The following CDH4 variants were observed in gnomAD, a reference collection of about 807,000 sequenced individuals.
CDH4 encodes the protein cadherin 4, also known as cadherin-4.
A neutral mutation model predicts 86.0 loss-of-function variants in CDH4; 33 were observed. The observed-to-expected ratio is 0.38, with a 90% CI of 0.29 to 0.51. The LOEUF (loss-of-function observed/expected upper bound fraction) is 0.51, where lower values mean the gene tolerates loss of function less well. Among genes scored for constraint, CDH4 ranks in the 20% least tolerant of loss-of-function variants. The pLI, the probability that CDH4 is intolerant of heterozygous loss-of-function variation, is 0.86. For missense variants in CDH4, 1,114 were observed against 1,307.4 expected, an observed-to-expected ratio of 0.85 and a Z score of 2.28; for synonymous variants, 555 against 549.4, an observed-to-expected ratio of 1.01 and a Z score of -0.14.
chr20:61,427,484 T>C lies in CDH4; in HGVS notation c.169+172547T>C, dbSNP rs541945866. 7.0e-5 allele frequency among the ~76,000 whole-genome samples: 10 copies of C among 143,606 alleles called. No homozygotes were observed. In the South Asian group the frequency reaches 1.3e-3, roughly 19 times the overall value. The allele number at this position is 143,606 out of a possible 152,430, so 94.2% of individuals were successfully genotyped here. A position where few individuals can be genotyped will look rare whatever the true frequency, so the allele number is the denominator to read the frequency against. On this transcript the variant is annotated intron_variant, in intron 2 of 15. Coordinates refer to ENST00000614565, the MANE Select transcript of CDH4 (RefSeq NM_001794.5). ...CCATCCTGCATTCATCAAAACTGTTTCCCAACTGAGAGGCTTTTTTTTTCT... is the reference window on the plus strand; with the variant it reads ...CCATCCTGCATTCATCAAAACTGTTCCCCAACTGAGAGGCTTTTTTTTTCT...
chr20:61,792,296 A>T (rs1201513090), intron 4 of CDH4, among the ~76,000 whole-genome samples: 1 of 152,102 alleles, frequency 6.6e-6, no homozygotes, highest in Non-Finnish European at 1.5e-5. Flanking sequence ...CAGCATCCCC[A>T]CTGCTCAGGA....
At chr20:61,920,629 G>A (rs2054967320) in intron 9 of CDH4, among the ~76,000 whole-genome samples, 1 of 150,948 alleles carries the variant, frequency 6.6e-6, no homozygotes, top group Non-Finnish European at 1.5e-5. Flanking sequence ...GAAGTGTGGT[G>A]TCACAGTGAT....
chr20:61,761,387 G>A (rs1013360493), intron 3 of CDH4, among the ~76,000 whole-genome samples: 3 of 152,186 alleles, frequency 2.0e-5, no homozygotes, highest in East Asian at 1.9e-4. Context: ...AGCAATGTAC[G>A]TTCATAATGC....
At chr20:61,694,156 A>C (rs1360522918) in intron 2 of CDH4, among the ~76,000 whole-genome samples, 5 of 152,098 alleles carry the variant, frequency 3.3e-5, no homozygotes, top group African/African-American at 9.7e-5. Context: ...AGCTATGATC[A>C]CAGGTGTGAG....
intron 5 of CDH4, among the ~76,000 whole-genome samples, chr20:61,846,521 C>T (rs114618364): frequency 1.3e-5 from 2 of 152,022 alleles, no homozygotes; most frequent in Non-Finnish European, 2.9e-5. Flanking sequence ...CACACACACA[C>T]AGAGATAGAG....
At position 61,480,597 on chromosome 20, in the gene CDH4, C is replaced by G. The variant is rs1043772639; in HGVS notation, c.169+225660C>G. Among the ~76,000 whole-genome samples, 1 of 152,270 alleles carries G rather than the reference C, an allele frequency of 6.6e-6. No individual in the cohort carries two copies. The highest frequency in any genetic ancestry group is 6.5e-5 in the Admixed American group (1 of 15,300). ...GCCTGGTGGCTGGCTGCCTGCTAGG[C>G]TGACACAGGGGAAGGAGGTGTGGAG... On this transcript the variant is annotated intron_variant, in intron 2 of 15. Coordinates refer to ENST00000614565, the MANE Select transcript of CDH4 (RefSeq NM_001794.5). The surrounding 1 kb of genome is among the most constrained non-coding windows in gnomAD (Gnocchi z 5.2).
intron 2 of CDH4, among the ~76,000 whole-genome samples, chr20:61,546,718 G>A (rs1020728780): frequency 5.3e-5 from 8 of 152,084 alleles, no homozygotes; most frequent in Non-Finnish European, 1.2e-4. Flanking sequence ...AGGTCTGAAA[G>A]GTTGAAACAC....
chr20:61,759,426 G>A lies in CDH4; in HGVS notation c.397-13577G>A, dbSNP rs767661833. 1.8e-4 allele frequency among the ~76,000 whole-genome samples: 28 copies of A among 152,268 alleles called. No homozygotes were observed. In the South Asian group the frequency reaches 2.9e-3, roughly 16 times the overall value. On this transcript the variant is annotated intron_variant, in intron 3 of 15. Transcript: ENST00000614565. ...TGGTGGACGACAGATCCATGAAGCC[G>A]GAGGTCCCCAGGGGACTCTTCAGAG...
intron 15 of CDH4, among the ~76,000 whole-genome samples, chr20:61,935,274 C>G (rs2055169179): frequency 6.6e-6 from 1 of 152,346 alleles, no homozygotes; most frequent in South Asian, 2.1e-4. Context: ...AGAAGATAAC[C>G]CAGGCAGTGA....
intron 3 of CDH4, among the ~76,000 whole-genome samples, chr20:61,765,222 C>T (rs1225979537): frequency 2.0e-5 from 3 of 152,086 alleles, no homozygotes; most frequent in Non-Finnish European, 4.4e-5. Flanking sequence ...GCTCAGGGCT[C>T]GGAGGGGTCC....
At chr20:61,648,048 T>C (rs2087083823) in intron 2 of CDH4, among the ~76,000 whole-genome samples, 1 of 152,156 alleles carries the variant, frequency 6.6e-6, no homozygotes, top group Non-Finnish European at 1.5e-5. Context: ...GGGGCACGAC[T>C]CACTGCAGGC....
intron 11 of CDH4, among the ~76,000 whole-genome samples, chr20:61,926,241 C>G (rs185379829): frequency 1.9e-4 from 29 of 152,282 alleles, no homozygotes; most frequent in African/African-American, 6.7e-4. Flanking sequence ...GGAGCAAGCA[C>G]GGGAAGGAGG....
chr20:61,741,061 C>T (rs2088326359), intron 2 of CDH4, among the ~76,000 whole-genome samples: 1 of 152,168 alleles, frequency 6.6e-6, no homozygotes, highest in South Asian at 2.1e-4. Context: ...ATACAAGACT[C>T]AGCTGGGCAT....
At chr20:61,839,602 GTA>G (rs1212486803) in intron 4 of CDH4, among the ~76,000 whole-genome samples, 4 of 151,544 alleles carry the variant, frequency 2.6e-5, no homozygotes, top group Non-Finnish European at 5.9e-5. Context: ...TGTATTGAGT[GTA>G]TGTTGTGTGT....
chr20:61,483,514 G>T (rs2085579169), intron 2 of CDH4, among the ~76,000 whole-genome samples: 1 of 152,174 alleles, frequency 6.6e-6, no homozygotes, highest in Non-Finnish European at 1.5e-5. Flanking sequence ...TCAGGGATGG[G>T]CTTGGCCATG....
At chr20:61,565,334 G>GGGAGGTGA (rs1179664443) in intron 2 of CDH4, among the ~76,000 whole-genome samples, 1 of 75,480 alleles carries the variant, frequency 1.3e-5, no homozygotes, top group Non-Finnish European at 3.1e-5. Context: ...CTTGGTGATG[G>GGGAGGTGA]TGGTAGTGGT....
At chr20:61,802,532 A>C (rs1210632549) in intron 4 of CDH4, among the ~76,000 whole-genome samples, 1 of 152,132 alleles carries the variant, frequency 6.6e-6, no homozygotes, top group African/African-American at 2.4e-5. Context: ...CATCGCTTTG[A>C]AGGAAAACTT....
At chr20:61,292,245 A>G (rs1205263192) in intron 2 of CDH4, among the ~76,000 whole-genome samples, 1 of 152,236 alleles carries the variant, frequency 6.6e-6, no homozygotes, top group Non-Finnish European at 1.5e-5. Flanking sequence ...AATGCCCATC[A>G]GTGACAGATT....
intron 2 of CDH4, among the ~76,000 whole-genome samples, chr20:61,496,391 T>C (rs557250434): frequency 1.5e-4 from 22 of 144,152 alleles, no homozygotes; most frequent in African/African-American, 5.4e-4. Context: ...AACAGAGCAA[T>C]ACCCTGTCTC....
Sources: gnomAD v4.1 joint callset for allele counts (sites outside exome capture counted in the v4.1 genomes callset) on GRCh38, gnomAD v4.1.1 for gene constraint, Gnocchi (gnomAD v3.1) non-coding constraint, MANE v1.5 for transcripts, NCBI Gene and HGNC (gene_info 2026-07-23, HGNC 2026-07-21) for gene names.